The following CAMTA1 variants were observed in gnomAD, a reference collection of about 807,000 sequenced individuals.
The protein encoded by CAMTA1 is calmodulin-binding transcription activator 1.
A neutral mutation model predicts 170.9 loss-of-function variants in CAMTA1; 27 were observed. The observed-to-expected ratio is 0.16, with a 90% CI of 0.12 to 0.22. The LOEUF is 0.22. Ranked by LOEUF, CAMTA1 falls within the 10% of genes least tolerant of loss-of-function variation. The pLI, the probability that CAMTA1 is intolerant of heterozygous loss-of-function variation, is 1.00. For synonymous variants in CAMTA1, 833 were observed against 891.5 expected, an observed-to-expected ratio of 0.93 and a Z score of 1.17; for missense variants, 1,619 against 2,217.2, an observed-to-expected ratio of 0.73 and a Z score of 5.42.
intron 4 of CAMTA1, among the ~76,000 whole-genome samples, chr1:7,218,156 GCTGACAA>G (rs1416143264): frequency 6.6e-6 from 1 of 152,138 alleles, no homozygotes; most frequent in Non-Finnish European, 1.5e-5. Flanking sequence ...TTTTGAGAAG[GCTGACAA>G]CTGTCTCTGT....
At position 7,462,921 on chromosome 1, in the gene CAMTA1, C is replaced by T. The variant is rs543126065; in HGVS notation, c.439-4909C>T. Among the ~76,000 whole-genome samples, 12 of 152,338 alleles carry T rather than the reference C, an allele frequency of 7.9e-5. 1 individual carries two copies. The highest frequency in any genetic ancestry group is 3.4e-3 in the Middle Eastern group (1 of 294). The stretch of plus-strand genomic sequence containing the variant: ...CCCTCCACCCGTGTGCCCACTGTCT[C>T]GCTCTGATGAGTGTTCCCAGCGTCT... On this transcript the variant is annotated intron_variant, in intron 5 of 22. Transcript: ENST00000303635.
chr1:7,409,314 T>C (rs2090535471), intron 5 of CAMTA1, among the ~76,000 whole-genome samples: 1 of 152,210 alleles, frequency 6.6e-6, no homozygotes, highest in Admixed American at 6.5e-5. Flanking sequence ...GAGAGCCCAC[T>C]GTCAGCCCAA....
chr1:7,319,805 G>A (rs575600137), intron 5 of CAMTA1, among the ~76,000 whole-genome samples: 23 of 152,256 alleles, frequency 1.5e-4, no homozygotes, highest in African/African-American at 3.4e-4. Context: ...AAGTTTGTGC[G>A]TCTTTTGTTA....
chr1:7,265,979 T>C (rs189701442), intron 5 of CAMTA1, among the ~76,000 whole-genome samples: 50 of 152,328 alleles, frequency 3.3e-4, no homozygotes, highest in African/African-American at 1.1e-3. Flanking sequence ...GAGAACAACA[T>C]AGTGTAAGAA....
At chr1:7,102,638 A>G (rs1642878467) in intron 4 of CAMTA1, among the ~76,000 whole-genome samples, 1 of 152,196 alleles carries the variant, frequency 6.6e-6, no homozygotes, top group African/African-American at 2.4e-5. Flanking sequence ...GCTTCTCCCC[A>G]GGAGCACAGC....
chr1:7,155,171 G>A (rs983168739), intron 4 of CAMTA1, among the ~76,000 whole-genome samples: 1 of 152,182 alleles, frequency 6.6e-6, no homozygotes, highest in Non-Finnish European at 1.5e-5. Flanking sequence ...AGGGGTGTGG[G>A]GGGCTGTGGG....
intron 6 of CAMTA1, among the ~76,000 whole-genome samples, chr1:7,573,146 C>T (rs558600393): frequency 6.6e-6 from 1 of 152,316 alleles, no homozygotes; most frequent in South Asian, 2.1e-4. Context: ...ACAGGGTTAG[C>T]ATGCTAAGGA....
intron 6 of CAMTA1, among the ~76,000 whole-genome samples, chr1:7,477,515 C>A (rs1269956517): frequency 6.6e-6 from 1 of 152,318 alleles, no homozygotes; most frequent in South Asian, 2.1e-4. Context: ...ACAGTATTTC[C>A]CGCTCAGACA....
At chr1:6,893,979 T>A (rs1675117579) in intron 3 of CAMTA1, among the ~76,000 whole-genome samples, 1 of 152,232 alleles carries the variant, frequency 6.6e-6, no homozygotes, top group Non-Finnish European at 1.5e-5. Flanking sequence ...TTCTCCTCTC[T>A]CTTTTCTTTA....
At chr1:7,541,954 G>A (rs551727044) in intron 6 of CAMTA1, among the ~76,000 whole-genome samples, 29 of 152,280 alleles carry the variant, frequency 1.9e-4, no homozygotes, top group Admixed American at 1.5e-3. Flanking sequence ...CTTCCTCGGC[G>A]TTCCTCCAGA....
intron 16 of CAMTA1, among the ~76,000 whole-genome samples, chr1:7,740,897 G>GA (rs1408653435): frequency 2.0e-5 from 3 of 152,104 alleles, no homozygotes; most frequent in African/African-American, 7.2e-5. Flanking sequence ...ATGTGTCTAT[G>GA]AAAAAAGCAG....
chr1:6,955,488 G>A (rs1164155437), intron 3 of CAMTA1, among the ~76,000 whole-genome samples: 1 of 152,242 alleles, frequency 6.6e-6, no homozygotes, highest in Non-Finnish European at 1.5e-5. Flanking sequence ...TCTGGGTGGA[G>A]TCCTGGCCTT....
intron 4 of CAMTA1, among the ~76,000 whole-genome samples, chr1:7,230,659 A>G (rs1355535479): frequency 6.6e-6 from 1 of 152,158 alleles, no homozygotes; most frequent in African/African-American, 2.4e-5. Flanking sequence ...GTTATCCCTC[A>G]GGCTCTTCAG....
In CAMTA1 at chr1:7,113,948, C is replaced by T. The variant is rs913438754; in HGVS notation, c.302+22577C>T. Among the ~76,000 whole-genome samples, 1 of 152,192 alleles carries T rather than the reference C, an allele frequency of 6.6e-6. No individual in the cohort carries two copies. Among genetic ancestry groups the T allele is most frequent in the Non-Finnish European group, 1.5e-5 (1 of 68,038 alleles). The stretch of plus-strand genomic sequence containing the variant: ...TATTGGTCTTTCTTTACATCATCGG[C>T]AAGCCACTGTTTCGGATTCTTCAGG... On this transcript the variant is annotated intron_variant, in intron 4 of 22. Transcript: ENST00000303635. The surrounding 1 kb of genome is among the most constrained non-coding windows in gnomAD (Gnocchi z 4.5).
In CAMTA1 at chr1:7,053,508, C is replaced by T. The variant is rs566340888; in HGVS notation, c.235-37796C>T. ...TTAGAATGAGCGTCAGATCATGGCA[C>T]GTCTTTGCTCAAAGCCTTTCAGGGC... On this transcript the variant is annotated intron_variant, in intron 3 of 22. Transcript: ENST00000303635. Among the ~76,000 whole-genome samples the T allele has an allele frequency of 7.2e-5, 11 of 152,300 alleles. No homozygotes were observed. The South Asian group carries it at 1.0e-3, about 14-fold the overall frequency.
intron 4 of CAMTA1, among the ~76,000 whole-genome samples, chr1:7,231,245 G>C (rs1662744547): frequency 6.6e-6 from 1 of 152,172 alleles, no homozygotes; most frequent in Non-Finnish European, 1.5e-5. Flanking sequence ...GATAGCAGGA[G>C]AGTCCAGGGA....
chr1:6,905,751 T>G (rs1182604190), intron 3 of CAMTA1, among the ~76,000 whole-genome samples: 1 of 152,232 alleles, frequency 6.6e-6, no homozygotes, highest in Non-Finnish European at 1.5e-5. Context: ...TGCAAGTATC[T>G]GTCCTCATAC....
intron 1 of CAMTA1, among the ~76,000 whole-genome samples, chr1:6,801,970 A>G (rs1643899833): frequency 6.6e-6 from 1 of 152,214 alleles, no homozygotes; most frequent in African/African-American, 2.4e-5. Context: ...ACACTAGGAA[A>G]CAGATGGTTT....
At chr1:7,122,384 C>T (rs1033768650) in intron 4 of CAMTA1, among the ~76,000 whole-genome samples, 1 of 151,998 alleles carries the variant, frequency 6.6e-6, no homozygotes, top group Non-Finnish European at 1.5e-5. Flanking sequence ...AGACAGCTCA[C>T]GGAGTGAAAT....
Sources: gnomAD v4.1 joint callset for allele counts (sites outside exome capture counted in the v4.1 genomes callset) on GRCh38, gnomAD v4.1.1 for gene constraint, Gnocchi (gnomAD v3.1) non-coding constraint, MANE v1.5 for transcripts, NCBI Gene and HGNC (gene_info 2026-07-23, HGNC 2026-07-21) for gene names.